Variants in ROBO1 observed in about 807,000 individuals in gnomAD.
The protein encoded by ROBO1 is roundabout guidance receptor 1, also known as roundabout homolog 1.
Under a neutral mutation model 195.9 loss-of-function variants are expected in ROBO1, and 149 were observed. The ratio of observed to expected loss-of-function variants is 0.76; its 90% CI spans 0.67 to 0.87. ROBO1 has a LOEUF of 0.87. Among genes scored for constraint, ROBO1 ranks in the 40% least tolerant of loss-of-function variants. The pLI is 0.00. For synonymous variants in ROBO1, 816 were observed against 733.2 expected (o/e 1.11, Z -1.82); for missense variants, 1,933 against 2,068.3 (o/e 0.93, Z 1.27).
At chr3:79,340,886 T>C (rs1221902124) in intron 2 of ROBO1, among the ~76,000 whole-genome samples, 1 of 152,158 alleles carries the variant, frequency 6.6e-6, no homozygotes, top group Non-Finnish European at 1.5e-5. Context: ...CTGATGTAGA[T>C]TAAATATGGG....
At chr3:78,607,190 C>T (rs1575764749) in intron 28 of ROBO1, 149 bp from the exon 29 acceptor site, 1 of 738,050 alleles carries the variant, frequency 1.4e-6, no homozygotes, top group East Asian at 2.7e-5. Flanking sequence ...GAAAAATACC[C>T]ACAATTTTTT....
At chr3:79,659,612 A>G (rs59766478) in intron 1 of ROBO1, among the ~76,000 whole-genome samples, 1,125 of 99,474 alleles carry the variant, frequency 0.011, 12 homozygotes, top group African/African-American at 0.045. Context: ...CAGAGTTCAG[A>G]AAAAAAAAAC....
At chr3:79,659,067 C>A (rs1025075845) in intron 1 of ROBO1, among the ~76,000 whole-genome samples, 2 of 151,896 alleles carry the variant, frequency 1.3e-5, no homozygotes, top group East Asian at 3.9e-4. Context: ...GTTCAATTAA[C>A]GTAGCATTAA....
rs549034591 is a variant in ROBO1, at chr3:79,560,535, T to TTATATATATA, written c.88+29279_88+29288dup. ...AAAACTTAAAGTATAATAATAATAATTATATATATATATATATATATATAC... is the reference window on the plus strand; with the variant it reads ...AAAACTTAAAGTATAATAATAATAATTATATATATATATATATATATATATATATATATAC... On this transcript the variant is annotated intron_variant, in intron 2 of 30. Transcript: ENST00000464233. 3.9e-3 allele frequency among the ~76,000 whole-genome samples: 445 copies of TTATATATATA among 115,176 alleles called. 9 individuals are homozygous for TTATATATATA. Among genetic ancestry groups the TTATATATATA allele is most frequent in the African/African-American group, 6.8e-3 (173 of 25,408 alleles). The allele number at this position is 115,176 out of a possible 152,430, so 75.6% of individuals were successfully genotyped here. A position where few individuals can be genotyped will look rare whatever the true frequency, so the allele number is the denominator to read the frequency against.
chr3:79,763,736 T>C (rs941712526), intron 1 of ROBO1, among the ~76,000 whole-genome samples: 2 of 152,030 alleles, frequency 1.3e-5, no homozygotes, highest in African/African-American at 2.4e-5. Flanking sequence ...AGGGGTGGGG[T>C]ATATTTTCTG....
At chr3:78,693,941 T>A (rs1409740982) in intron 8 of ROBO1, among the ~76,000 whole-genome samples, 1 of 152,126 alleles carries the variant, frequency 6.6e-6, no homozygotes, top group Non-Finnish European at 1.5e-5. Context: ...GACTGGAGAT[T>A]TTGCATTTTT....
intron 2 of ROBO1, among the ~76,000 whole-genome samples, chr3:79,502,809 G>T (rs1463254965): frequency 2.0e-5 from 3 of 151,978 alleles, no homozygotes; most frequent in Admixed American, 2.0e-4. Flanking sequence ...CTAGCTCAGG[G>T]TTCGTAAATA....
chr3:78,787,290 T>G (rs2083865806), intron 4 of ROBO1, among the ~76,000 whole-genome samples: 1 of 152,212 alleles, frequency 6.6e-6, no homozygotes, highest in African/African-American at 2.4e-5. Flanking sequence ...TATTTCAAAA[T>G]TGTTGTATTA....
intron 2 of ROBO1, among the ~76,000 whole-genome samples, chr3:79,174,123 G>T (rs1314548498): frequency 1.3e-5 from 2 of 152,062 alleles, no homozygotes; most frequent in Non-Finnish European, 2.9e-5. Context: ...GTGGCAACCT[G>T]CTCAGGTCCC....
At chr3:78,964,331 C>T (rs1011876160) in intron 3 of ROBO1, among the ~76,000 whole-genome samples, 5 of 152,004 alleles carry the variant, frequency 3.3e-5, no homozygotes, top group African/African-American at 7.2e-5. Flanking sequence ...AAATTCAACC[C>T]GTAACCATAG....
chr3:79,564,256 T>C (rs1328463749), intron 2 of ROBO1, among the ~76,000 whole-genome samples: 1 of 152,108 alleles, frequency 6.6e-6, no homozygotes, highest in African/African-American at 2.4e-5. Context: ...GCATTGGTTC[T>C]GTCAAATATC....
intron 18 of ROBO1, 99 bp downstream of exon 18, chr3:78,656,999 A>T: frequency 2.6e-6 from 3 of 1,132,976 alleles, no homozygotes; most frequent in Non-Finnish European, 3.7e-6. Context: ...ATATTCTATT[A>T]AATTAGCAAT....
intron 2 of ROBO1, among the ~76,000 whole-genome samples, chr3:79,404,216 GCAACAAAGTTACACTGGAATGTATATGAT>G (rs1377503053): frequency 1.3e-5 from 2 of 152,004 alleles, no homozygotes; most frequent in Admixed American, 6.6e-5. Context: ...GGGACTTGAG[GCAACAAAGTTACACTGGAATGTATATGAT>G]CAACAAAGTT....
At chr3:79,177,021 A>T (rs1559714871) in intron 2 of ROBO1, among the ~76,000 whole-genome samples, 2 of 152,238 alleles carry the variant, frequency 1.3e-5, no homozygotes, top group Non-Finnish European at 2.9e-5. Flanking sequence ...AAGACAATGT[A>T]GCAGATAATT....
rs968334923 is a variant in ROBO1, at chr3:79,166,560, C to CTTTTTTTTTT, written c.89-41031_89-41022dup. ...GATGGAAGGCAAGTTTTCTATTTTTCTTTTTTTTTTTTTTTTTATTTTTGA... is the reference window on the plus strand; with the variant it reads ...GATGGAAGGCAAGTTTTCTATTTTTCTTTTTTTTTTTTTTTTTTTTTTTTTTTATTTTTGA... On this transcript the variant is annotated intron_variant, in intron 2 of 30. Transcript: ENST00000464233. Among the ~76,000 whole-genome samples, 24 of 135,104 alleles carry CTTTTTTTTTT rather than the reference C, an allele frequency of 1.8e-4. 1 individual carries two copies. Among genetic ancestry groups the CTTTTTTTTTT allele is most frequent in the African/African-American group, 4.7e-4 (17 of 35,984 alleles). 88.6% of individuals were successfully genotyped at this position (135,104 alleles called of 152,430 possible). A position where few individuals can be genotyped will look rare whatever the true frequency, so the allele number is the denominator to read the frequency against.
At chr3:78,893,877 A>G (rs1048592144) in intron 4 of ROBO1, among the ~76,000 whole-genome samples, 9 of 152,164 alleles carry the variant, frequency 5.9e-5, no homozygotes, top group Non-Finnish European at 1.3e-4. Context: ...TTAGTATAGG[A>G]AAGACCACAA....
intron 2 of ROBO1, among the ~76,000 whole-genome samples, chr3:79,287,625 A>C (rs764626542): frequency 6.6e-6 from 1 of 152,160 alleles, no homozygotes; most frequent in South Asian, 2.1e-4. Context: ...GACACCACCA[A>C]CATTCCATAT....
chr3:79,654,451 A>C (rs1946101071), intron 1 of ROBO1, among the ~76,000 whole-genome samples: 1 of 152,040 alleles, frequency 6.6e-6, no homozygotes, highest in African/African-American at 2.4e-5. Flanking sequence ...TATCAGAAAA[A>C]ATAAGTGACT....
At chr3:78,836,580 G>A (rs902267873) in intron 4 of ROBO1, among the ~76,000 whole-genome samples, 4 of 151,058 alleles carry the variant, frequency 2.6e-5, no homozygotes, top group South Asian at 2.1e-4. Context: ...AAGGTATAAT[G>A]CAGACAATTC....
Sources: allele counts gnomAD v4.1 joint callset (sites outside exome capture counted in the v4.1 genomes callset), GRCh38; gene constraint gnomAD v4.1.1; transcripts MANE v1.5; gene names NCBI Gene and HGNC (gene_info 2026-07-23, HGNC 2026-07-21).